The following NCOA3 variants were observed in gnomAD, a reference collection of about 807,000 sequenced individuals.
The protein encoded by NCOA3 is CBP-interacting protein.
Under a neutral mutation model 158.8 loss-of-function variants are expected in NCOA3, and 51 were observed. The observed-to-expected ratio is 0.32, with a 90% CI of 0.26 to 0.41. The LOEUF is 0.41. NCOA3 is among the 10% of genes least tolerant of loss of function. The probability of loss-of-function intolerance (pLI) is 1.00; values close to 1 mark genes in which losing one functional copy is unlikely to be tolerated. For missense variants in NCOA3, 1,510 were observed against 1,746.6 expected, an observed-to-expected ratio of 0.86 and a Z score of 2.41; for synonymous variants, 537 against 592.4, an observed-to-expected ratio of 0.91 and a Z score of 1.36.
intron 1 of NCOA3, among the ~76,000 whole-genome samples, chr20:47,562,239 G>A (rs927558159): frequency 1.3e-5 from 2 of 152,182 alleles, no homozygotes; most frequent in African/African-American, 4.8e-5. Flanking sequence ...TTGTGTGTAG[G>A]ATGTAAGTTT....
intron 19 of NCOA3, 86 bp from the exon 20 acceptor site, chr20:47,650,896 A>G (rs2146347514): frequency 1.6e-6 from 2 of 1,280,498 alleles, no homozygotes; most frequent in South Asian, 1.3e-5. Flanking sequence ...TCTGTCTTAT[A>G]CCTGGTGTAT....
chr20:47,565,166 A>G (rs2085172307), intron 1 of NCOA3, among the ~76,000 whole-genome samples: 1 of 152,122 alleles, frequency 6.6e-6, no homozygotes, highest in African/African-American at 2.4e-5. Flanking sequence ...TTTTTAGTAG[A>G]GACGAGGTTT....
intron 1 of NCOA3, among the ~76,000 whole-genome samples, chr20:47,573,156 T>C (rs2085320203): frequency 6.6e-6 from 1 of 152,146 alleles, no homozygotes. Flanking sequence ...CCTAGCACTT[T>C]AGGAGGCTGA....
chr20:47,649,254 C>A (rs535336887), intron 19 of NCOA3, 145 bp downstream of exon 19: 2 of 522,662 alleles, frequency 3.8e-6, no homozygotes. Flanking sequence ...TAAAGACTTT[C>A]GACTCTTCCA....
At chr20:47,592,204 G>C (rs2085654417) in intron 2 of NCOA3, among the ~76,000 whole-genome samples, 1 of 152,008 alleles carries the variant, frequency 6.6e-6, no homozygotes, top group African/African-American at 2.4e-5. Context: ...ACCACACCTG[G>C]CTAATTTTTT....
At chr20:47,617,644 A>G (rs1375266899) in intron 2 of NCOA3, among the ~76,000 whole-genome samples, 1 of 152,222 alleles carries the variant, frequency 6.6e-6, no homozygotes, top group African/African-American at 2.4e-5. Flanking sequence ...GCTAAGATTA[A>G]TACCAAATAG....
intron 1 of NCOA3, among the ~76,000 whole-genome samples, chr20:47,532,432 A>C (rs1025936882): frequency 1.3e-5 from 2 of 152,190 alleles, no homozygotes; most frequent in African/African-American, 4.8e-5. Context: ...CCTTGCAGAC[A>C]GTTGTAAGGA....
chr20:47,656,437 G>T lies in NCOA3; in HGVS notation c.*3020G>T, dbSNP rs531226007. The T allele has an allele frequency of 6.6e-6, 1 of 152,098 alleles. No individual in the cohort carries two copies. The highest frequency in any genetic ancestry group is 2.4e-5 in the African/African-American group (1 of 41,402). The allele number at this position is 152,098 out of a possible 1,614,324, so 9.4% of individuals were successfully genotyped here. A position where few individuals can be genotyped will look rare whatever the true frequency, so the allele number is the denominator to read the frequency against. On this transcript the variant is annotated 3_prime_UTR_variant, in exon 23 of 23. Coordinates refer to ENST00000371998, the MANE Select transcript of NCOA3 (RefSeq NM_181659.3). ...CTAGAAGTTCTTTGATCCAGAGGTG[G>T]GTGCAGCTGAAAGTAAACAGAATGG...
intron 1 of NCOA3, among the ~76,000 whole-genome samples, chr20:47,529,427 A>C (rs1324606643): frequency 1.3e-5 from 2 of 150,508 alleles, no homozygotes; most frequent in Admixed American, 1.3e-4. Flanking sequence ...CATCTAAAAA[A>C]CTTTTTTGAG....
intron 1 of NCOA3, among the ~76,000 whole-genome samples, chr20:47,562,597 G>C (rs374272012): frequency 2.0e-5 from 3 of 151,834 alleles, no homozygotes; most frequent in African/African-American, 7.3e-5. Context: ...TTGGGATCTA[G>C]CTTTAAGGAA....
intron 1 of NCOA3, among the ~76,000 whole-genome samples, chr20:47,537,452 G>C (rs1382021066): frequency 6.6e-6 from 1 of 151,448 alleles, no homozygotes; most frequent in Non-Finnish European, 1.5e-5. Context: ...GGGGGGGGAA[G>C]TGTTGGGAAA....
intron 1 of NCOA3, among the ~76,000 whole-genome samples, chr20:47,531,453 CAG>C (rs916959321): frequency 1.3e-5 from 2 of 152,178 alleles, no homozygotes; most frequent in African/African-American, 2.4e-5. Flanking sequence ...AGTGATGAAA[CAG>C]ATGTATTACA....
At position 47,653,527 on chromosome 20, in the gene NCOA3, C is replaced by A; in HGVS notation, c.*110C>A. The stretch of plus-strand genomic sequence containing the variant: ...CATCCATCTTGGAAGAAAGGACCAG[C>A]TTTGAGCTCCATCAAGGGTATTTTA... On this transcript the variant is annotated 3_prime_UTR_variant, in exon 23 of 23. Transcript: ENST00000371998. 1 of 1,274,110 alleles carries A rather than the reference C, an allele frequency of 7.8e-7. No individual in the cohort carries two copies. Among genetic ancestry groups the A allele is most frequent in the Non-Finnish European group, 1.1e-6 (1 of 893,392 alleles). 78.9% of individuals were successfully genotyped at this position (1,274,110 alleles called of 1,614,324 possible).
chr20:47,651,415 ATGAT>A, intron 20 of NCOA3, 139 bp downstream of exon 20: 1 of 1,365,072 alleles, frequency 7.3e-7, no homozygotes, highest in Non-Finnish European at 9.7e-7. Context: ...ATTAATTTAA[ATGAT>A]TGGAAAACAA....
Position 47,647,257 on chromosome 20 carries a change from G to C in NCOA3, c.3437G>C (p.Gly1146Ala). Reference sequence around the variant, plus strand: ...ATGATGAATCAGATGAACCAGCAAGGCAATTTTCCTCTCCAAGGAATGCAC... The same window carrying C: ...ATGATGAATCAGATGAACCAGCAAGCCAATTTTCCTCTCCAAGGAATGCAC... The part of the protein sequence containing the change: ...NSMMNQMNQQ[G>A]NFPLQGMHPR... The change falls in exon 18 of 23, where the codon GGC (glycine) becomes GCC (alanine). Residue 1146 changes from glycine (G) to alanine (A), a missense_variant. Gly to Ala is a moderately conservative substitution (Grantham distance 60, BLOSUM62 0). This residue lies in a region of NCOA3 where 1,017 missense variants were observed against 1,098.3 expected (regional missense o/e 0.93). Coordinates refer to ENST00000371998, the MANE Select transcript of NCOA3 (RefSeq NM_181659.3). 6.2e-7 allele frequency: 1 copy of C among 1,614,124 alleles called. No homozygotes were observed. Among genetic ancestry groups the C allele is most frequent in the Non-Finnish European group, 8.5e-7 (1 of 1,180,028 alleles).
chr20:47,618,884 A>G (rs979018091), intron 2 of NCOA3, among the ~76,000 whole-genome samples: 1 of 152,234 alleles, frequency 6.6e-6, no homozygotes, highest in Admixed American at 6.5e-5. Context: ...ATTTGTGCTT[A>G]TTAATTTTTT....
chr20:47,565,978 AT>A (rs1006436408), intron 1 of NCOA3, among the ~76,000 whole-genome samples: 2 of 151,934 alleles, frequency 1.3e-5, no homozygotes, highest in African/African-American at 4.8e-5. Flanking sequence ...CCATTTAAAA[AT>A]TTTTTTTTAT....
Position 47,502,008 on chromosome 20 carries a change from T to C in NCOA3, c.-110T>C. On this transcript the variant is annotated 5_prime_UTR_variant, in exon 1 of 23. The change abolishes an upstream ATG in the 5' untranslated region. Coordinates refer to ENST00000371998, the MANE Select transcript of NCOA3 (RefSeq NM_181659.3). ...ATTTAAAGCTGAGCTGCGAGGAAAATGGCGGCGGGAGGTGAGTGGAGATAA... is the reference window on the plus strand; with the variant it reads ...ATTTAAAGCTGAGCTGCGAGGAAAACGGCGGCGGGAGGTGAGTGGAGATAA... The C allele has an allele frequency of 2.5e-6, 1 of 398,564 alleles. No individual in the cohort carries two copies. Among genetic ancestry groups the C allele is most frequent in the Admixed American group, 4.4e-5 (1 of 22,678 alleles). The allele number at this position is 398,564 out of a possible 1,614,324, so 24.7% of individuals were successfully genotyped here.
At chr20:47,539,232 A>G (rs1326921607) in intron 1 of NCOA3, among the ~76,000 whole-genome samples, 2 of 152,078 alleles carry the variant, frequency 1.3e-5, no homozygotes, top group Non-Finnish European at 2.9e-5. Context: ...TTGATAAGCT[A>G]CTTGATAAGG....
Sources: allele counts gnomAD v4.1 joint callset (sites outside exome capture counted in the v4.1 genomes callset), GRCh38; gene constraint gnomAD v4.1.1; regional missense constraint gnomAD v4.1.1; transcripts MANE v1.5; gene names NCBI Gene and HGNC (gene_info 2026-07-23, HGNC 2026-07-21).